SLC12A2: variants seen among roughly 807,000 people sequenced by gnomAD.
SLC12A2 encodes solute carrier family 12 member 2, also known as Na-K-2Cl cotransporter 1.
In SLC12A2, 67 loss-of-function variants were observed where a neutral mutation model predicts 136.3. That is an observed-to-expected ratio of 0.49 (90% CI 0.40 to 0.60). SLC12A2 has a LOEUF of 0.60. Ranked by LOEUF, SLC12A2 falls within the 20% of genes least tolerant of loss-of-function variation. The pLI, the probability that SLC12A2 is intolerant of heterozygous loss-of-function variation, is 0.00. For synonymous variants in SLC12A2, 619 were observed against 562.9 expected (o/e 1.10, Z -1.41); for missense variants, 1,322 against 1,534.7 (o/e 0.86, Z 2.32).
rs913272622 is a variant in SLC12A2, at chr5:128,151,104, A to G, written c.2108-137A>G. The G allele has an allele frequency of 2.6e-5, 16 of 612,328 alleles. No individual in the cohort carries two copies. In the Admixed American group the frequency reaches 4.9e-4, roughly 19 times the overall value. 37.9% of individuals were successfully genotyped at this position (612,328 alleles called of 1,614,324 possible). A position where few individuals can be genotyped will look rare whatever the true frequency, so the allele number is the denominator to read the frequency against. ...ATAATAGTCTTTGACTTTACTATTC[A>G]ATATTAGACTTATACTTAATGCTTA... On this transcript the variant is annotated intron_variant, in intron 13 of 26. Coordinates refer to ENST00000262461, the MANE Select transcript of SLC12A2 (RefSeq NM_001046.3).
At chr5:128,144,175 T>C (rs1046125931) in intron 10 of SLC12A2, among the ~76,000 whole-genome samples, 14 of 152,158 alleles carry the variant, frequency 9.2e-5, no homozygotes, top group Non-Finnish European at 1.6e-4. Context: ...CTGTGTGGCC[T>C]TAAGATAGAA....
rs1444375240 is a variant in SLC12A2, at chr5:128,161,641, T to C, written c.2476-19T>C. 1.5e-6 allele frequency: 2 copies of C among 1,326,678 alleles called. No homozygotes were observed. The highest frequency in any genetic ancestry group is 1.5e-5 in the African/African-American group (1 of 65,044). 82.2% of individuals were successfully genotyped at this position (1,326,678 alleles called of 1,614,324 possible). ...GCTTACCTTTTAATTAAATATATTA[T>C]TAATATTTTTATTCAAAGGGTCCTC... On this transcript the variant is annotated intron_variant, in intron 16 of 26. Transcript: ENST00000262461.
intron 20 of SLC12A2, among the ~76,000 whole-genome samples, chr5:128,175,868 G>T (rs1249179101): frequency 1.3e-5 from 2 of 151,792 alleles, no homozygotes; most frequent in African/African-American, 2.4e-5. Flanking sequence ...TATTATCAAA[G>T]ACAAATGCCA....
chr5:128,166,427 A>G (rs886415745), intron 17 of SLC12A2, among the ~76,000 whole-genome samples: 1 of 151,962 alleles, frequency 6.6e-6, no homozygotes, highest in Admixed American at 6.6e-5. Flanking sequence ...GATAAAAACA[A>G]AAGCGTCTCC....
At chr5:128,150,673 A>G (rs1315550058) in intron 13 of SLC12A2, among the ~76,000 whole-genome samples, 2 of 151,840 alleles carry the variant, frequency 1.3e-5, no homozygotes, top group African/African-American at 2.4e-5. Context: ...CCTACCAATG[A>G]AAATTGAAAA....
chr5:128,116,728 T>C (rs1166673209), intron 4 of SLC12A2, among the ~76,000 whole-genome samples: 1 of 152,202 alleles, frequency 6.6e-6, no homozygotes, highest in Non-Finnish European at 1.5e-5. Context: ...CGAAGCTTTC[T>C]TAGAAGGCAT....
At chr5:128,153,546 C>A (rs903056878) in intron 15 of SLC12A2, among the ~76,000 whole-genome samples, 2 of 152,128 alleles carry the variant, frequency 1.3e-5, no homozygotes, top group Non-Finnish European at 2.9e-5. Flanking sequence ...CAGAGCGAGA[C>A]TCCATCTCAA....
intron 18 of SLC12A2, chr5:128,168,709 C>T (rs1417285803): frequency 6.6e-6 from 1 of 152,178 alleles, no homozygotes; most frequent in African/African-American, 2.4e-5. Flanking sequence ...AGCGCACAAC[C>T]TAGATTCCTC....
chr5:128,174,410 T>C (rs1298952684), intron 19 of SLC12A2, 131 bp from the exon 20 acceptor site: 2 of 625,272 alleles, frequency 3.2e-6, no homozygotes, highest in Non-Finnish European at 5.4e-6. Context: ...CAGATTATCA[T>C]AGTTGTTTAA....
At chr5:128,154,160 C>G (rs1441239689) in intron 15 of SLC12A2, among the ~76,000 whole-genome samples, 5 of 151,846 alleles carry the variant, frequency 3.3e-5, no homozygotes, top group Non-Finnish European at 7.4e-5. Flanking sequence ...GCCTGCAATC[C>G]CATCACTTTG....
In SLC12A2 at chr5:128,186,019, A is replaced by G. The variant is rs553489945; in HGVS notation, c.3504-477A>G. 3.9e-5 allele frequency among the ~76,000 whole-genome samples: 6 copies of G among 152,152 alleles called. 1 individual carries two copies. The South Asian group carries it at 1.2e-3, about 32-fold the overall frequency. On this transcript the variant is annotated intron_variant, in intron 26 of 26. Coordinates refer to ENST00000262461, the MANE Select transcript of SLC12A2 (RefSeq NM_001046.3). ...TGAGATCTGGAGTTTTGGAGTTTTG[A>G]GTCCAGCCTGGGCAATGTATTAAGA...
rs1763801072 is a variant in SLC12A2 at position 128,184,349 on chromosome 5, C to CTTTCTGTT, written c.3300-13_3300-6dup. On this transcript the variant is annotated splice_polypyrimidine_tract_variant and intron_variant, in intron 24 of 26. Coordinates refer to ENST00000262461, the MANE Select transcript of SLC12A2 (RefSeq NM_001046.3). ...TAAAATAAGATTAGTTGTCAGTATT[C>CTTTCTGTT]TTTCTGTTTTTTAAAGTATTATAGC... The CTTTCTGTT allele has an allele frequency of 6.9e-7, 1 of 1,439,720 alleles. No homozygotes were observed. Among genetic ancestry groups the CTTTCTGTT allele is most frequent in the African/African-American group, 1.5e-5 (1 of 68,148 alleles). The allele number at this position is 1,439,720 out of a possible 1,614,324, so 89.2% of individuals were successfully genotyped here.
chr5:128,151,488 AT>A, intron 14 of SLC12A2, 92 bp downstream of exon 14: 1 of 1,206,354 alleles, frequency 8.3e-7, no homozygotes, highest in South Asian at 1.5e-5. Context: ...CATTTTAAGC[AT>A]CATCTTTTGT....
At chr5:128,184,884 T>G (rs1284028916) in intron 26 of SLC12A2, 28 bp downstream of exon 26, 2 of 1,527,930 alleles carry the variant, frequency 1.3e-6, no homozygotes, top group East Asian at 4.5e-5. Context: ...AAAGATTTTC[T>G]TGCTAATTTA....
At chr5:128,133,175 AT>A (rs1236620312) in intron 5 of SLC12A2, among the ~76,000 whole-genome samples, 3 of 152,110 alleles carry the variant, frequency 2.0e-5, no homozygotes, top group African/African-American at 4.8e-5. Context: ...ACACTAAAAA[AT>A]TTTTTTGCAA....
At chr5:128,149,028 G>A in intron 12 of SLC12A2, 151 bp downstream of exon 12, 1 of 649,648 alleles carries the variant, frequency 1.5e-6, no homozygotes, top group South Asian at 2.3e-5. Context: ...AATAGCATGA[G>A]TACATATTTG....
chr5:128,139,590 G>A (rs1762295736), intron 9 of SLC12A2, among the ~76,000 whole-genome samples: 1 of 152,098 alleles, frequency 6.6e-6, no homozygotes, highest in African/African-American at 2.4e-5. Context: ...AGTGGCATTT[G>A]TTTTAGAGAA....
At chr5:128,121,868 C>T (rs770643236) in intron 4 of SLC12A2, among the ~76,000 whole-genome samples, 2 of 152,184 alleles carry the variant, frequency 1.3e-5, no homozygotes, top group African/African-American at 4.8e-5. Flanking sequence ...AGAGTTTCCA[C>T]GGATCTGTAC....
chr5:128,130,944 T>A (rs1561676473), intron 4 of SLC12A2, 123 bp from the exon 5 acceptor site: 1 of 828,320 alleles, frequency 1.2e-6, no homozygotes, highest in Non-Finnish European at 1.9e-6. Flanking sequence ...CTCACTTGCC[T>A]CTTTAACTGC....
Sources: allele counts gnomAD v4.1 joint callset (sites outside exome capture counted in the v4.1 genomes callset), GRCh38; gene constraint gnomAD v4.1.1; transcripts MANE v1.5; gene names NCBI Gene and HGNC (gene_info 2026-07-23, HGNC 2026-07-21).